The following CCDC73 variants were observed in gnomAD, a reference collection of about 807,000 sequenced individuals.
CCDC73 encodes the protein coiled-coil domain-containing protein 73.
In CCDC73, 95 loss-of-function variants were observed where a neutral mutation model predicts 116.5. The ratio of observed to expected loss-of-function variants is 0.82; its 90% CI spans 0.69 to 0.97. The LOEUF is 0.97. CCDC73 is among the 50% of genes least tolerant of loss of function. CCDC73 has a pLI of 0.00. For missense variants in CCDC73, 1,066 were observed against 1,206.8 expected, an observed-to-expected ratio of 0.88 and a Z score of 1.73; for synonymous variants, 398 against 401.3, an observed-to-expected ratio of 0.99 and a Z score of 0.10.
intron 14 of CCDC73, among the ~76,000 whole-genome samples, chr11:32,622,924 T>A (rs1237660820): frequency 1.3e-5 from 2 of 152,084 alleles, no homozygotes; most frequent in African/African-American, 4.8e-5. Flanking sequence ...AGAAATAGTA[T>A]CAAATGCTTC....
At position 32,675,625 on chromosome 11, in the gene CCDC73, T is replaced by G; in HGVS notation, c.585A>C (p.Ser195=). The G allele has an allele frequency of 6.3e-7, 1 of 1,593,014 alleles. No individual in the cohort carries two copies. The highest frequency in any genetic ancestry group is 8.5e-7 in the Non-Finnish European group (1 of 1,173,726). ...TATTTAAAGCTGAAAGTCTTTTGTT[T>G]GATTGTATTGCTTCCCGTACTGCAA... ...LEQNVREAIQ[S]NKRLSALNKK... is the part of the protein sequence containing the mutation. The change falls in exon 9 of 18, where the codon TCA becomes TCC. Residue 195 remains serine, a synonymous_variant. Transcript: ENST00000335185.
upstream of CCDC73, among the ~76,000 whole-genome samples, chr11:32,798,584 G>A (rs890887846): frequency 2.6e-5 from 4 of 152,232 alleles, no homozygotes; most frequent in Non-Finnish European, 5.9e-5. Context: ...GGGATTACAG[G>A]CGTGAACCAC....
In CCDC73 at chr11:32,615,202, G is replaced by C. The variant is rs116299434; in HGVS notation, c.1376-260C>G. On this transcript the variant is annotated intron_variant, in intron 15 of 17. Coordinates refer to ENST00000335185, the MANE Select transcript of CCDC73 (RefSeq NM_001008391.4). The stretch of plus-strand genomic sequence containing the variant: ...ATAATAGCAAAGTATTTTTGGTTTT[G>C]TAAACGGAAAGTAAGTTGAGGTATT... Among the ~76,000 whole-genome samples, 1,083 of 151,992 alleles carry C rather than the reference G, an allele frequency of 7.1e-3. 17 individuals are homozygous for C. The highest frequency in any genetic ancestry group is 0.025 in the African/African-American group (1,044 of 41,484).
Position 32,632,765 on chromosome 11 carries a change from A to T in CCDC73, c.1185+2931T>A, listed in dbSNP as rs568514619. On this transcript the variant is annotated intron_variant, in intron 14 of 17. Transcript: ENST00000335185. ...TGTGTATGTTGTGTATACTTTACTAAAATATATATATATAGTTTTTTTAAC... is the reference window on the plus strand; with the variant it reads ...TGTGTATGTTGTGTATACTTTACTATAATATATATATATAGTTTTTTTAAC... Among the ~76,000 whole-genome samples the T allele has an allele frequency of 1.2e-4, 19 of 152,054 alleles. No homozygotes were observed. In the South Asian group the frequency reaches 3.5e-3, roughly 28 times the overall value.
At chr11:32,622,848 A>G (rs1855535535) in intron 14 of CCDC73, among the ~76,000 whole-genome samples, 2 of 151,886 alleles carry the variant, frequency 1.3e-5, no homozygotes, top group Admixed American at 1.3e-4. Flanking sequence ...AAGTGGCCTG[A>G]GAGGTAAAGA....
chr11:32,737,440 C>T (rs1402940669), intron 2 of CCDC73, among the ~76,000 whole-genome samples: 1 of 151,966 alleles, frequency 6.6e-6, no homozygotes, highest in East Asian at 1.9e-4. Flanking sequence ...TAGTAAAACC[C>T]CATCTCTACT....
intron 1 of CCDC73, among the ~76,000 whole-genome samples, chr11:32,762,551 C>T (rs569132089): frequency 6.6e-6 from 1 of 152,128 alleles, no homozygotes; most frequent in African/African-American, 2.4e-5. Flanking sequence ...AGTAACCCAC[C>T]TTCTACAGGA....
intron 14 of CCDC73, among the ~76,000 whole-genome samples, chr11:32,631,623 AAGGGACG>A: frequency 6.6e-6 from 1 of 151,352 alleles, no homozygotes; most frequent in African/African-American, 2.4e-5. Context: ...AAGGGAAGGG[AAGGGACG>A]GGAAAGGAAA....
chr11:32,741,718 G>A (rs1041640762), intron 2 of CCDC73, among the ~76,000 whole-genome samples: 1 of 151,728 alleles, frequency 6.6e-6, no homozygotes, highest in Non-Finnish European at 1.5e-5. Flanking sequence ...GTGAAGTTCT[G>A]TTACATAGGT....
intron 1 of CCDC73, among the ~76,000 whole-genome samples, chr11:32,771,604 C>T (rs1850492994): frequency 6.6e-6 from 1 of 152,196 alleles, no homozygotes; most frequent in Non-Finnish European, 1.5e-5. Flanking sequence ...TCAAGAGGAG[C>T]TACACTTGAC....
intron 2 of CCDC73, among the ~76,000 whole-genome samples, chr11:32,740,699 C>A (rs1266134104): frequency 1.3e-5 from 2 of 151,692 alleles, no homozygotes; most frequent in Admixed American, 1.3e-4. Flanking sequence ...TTTATCATTT[C>A]TTTTCTTCTA....
chr11:32,829,740 G>A, the CCDC73 span: 1 of 984,006 alleles, frequency 1.0e-6, no homozygotes, highest in Non-Finnish European at 1.2e-6. Flanking sequence ...GCGCCGCCAA[G>A]GCGGGGCCAG....
intron 12 of CCDC73, among the ~76,000 whole-genome samples, chr11:32,643,777 A>G (rs1040163968): frequency 1.3e-5 from 2 of 152,120 alleles, no homozygotes; most frequent in East Asian, 1.9e-4. Flanking sequence ...TTACTCACCA[A>G]TATAGGCTTT....
intron 2 of CCDC73, among the ~76,000 whole-genome samples, chr11:32,731,530 C>T (rs1364867309): frequency 6.6e-6 from 1 of 152,218 alleles, no homozygotes; most frequent in East Asian, 1.9e-4. Context: ...CGCTAACTGA[C>T]ACCTCATACA....
the CCDC73 span, among the ~76,000 whole-genome samples, chr11:32,825,359 A>G: frequency 7.5e-6 from 1 of 133,634 alleles, no homozygotes; most frequent in Non-Finnish European, 1.5e-5. Flanking sequence ...CTGGAGTGCA[A>G]TGGCACCATC....
intron 1 of CCDC73, among the ~76,000 whole-genome samples, chr11:32,780,150 T>C (rs1215961686): frequency 6.6e-6 from 1 of 152,202 alleles, no homozygotes; most frequent in South Asian, 2.1e-4. Flanking sequence ...GGCACATGCC[T>C]GTAATCTCAG....
At chr11:32,661,413 T>G (rs1452914265) in intron 9 of CCDC73, among the ~76,000 whole-genome samples, 1 of 151,820 alleles carries the variant, frequency 6.6e-6, no homozygotes, top group Non-Finnish European at 1.5e-5. Context: ...AACTCTTCAT[T>G]TACATTAGGT....
At chr11:32,685,080 G>T (rs953193520) in intron 6 of CCDC73, among the ~76,000 whole-genome samples, 1 of 151,880 alleles carries the variant, frequency 6.6e-6, no homozygotes, top group Non-Finnish European at 1.5e-5. Flanking sequence ...TAAACTTTAA[G>T]CAAAAGTACA....
intron 14 of CCDC73, among the ~76,000 whole-genome samples, chr11:32,624,654 C>T (rs1855553797): frequency 6.6e-6 from 1 of 152,156 alleles, no homozygotes; most frequent in Non-Finnish European, 1.5e-5. Context: ...TACCATTTGA[C>T]CCAGCAATTC....
Sources: gnomAD v4.1 joint callset for allele counts (sites outside exome capture counted in the v4.1 genomes callset) on GRCh38, gnomAD v4.1.1 for gene constraint, MANE v1.5 for transcripts, NCBI Gene and HGNC (gene_info 2026-07-23, HGNC 2026-07-21) for gene names.